The following CIZ1 variants were observed in gnomAD, a reference collection of about 807,000 sequenced individuals.
The protein encoded by CIZ1 is cip1-interacting zinc finger protein.
A neutral mutation model predicts 118.6 loss-of-function variants in CIZ1; 58 were observed. That is an observed-to-expected ratio of 0.49 (90% CI 0.40 to 0.61). The LOEUF (loss-of-function observed/expected upper bound fraction) is 0.61. Ranked by LOEUF, CIZ1 falls within the 20% of genes least tolerant of loss-of-function variation. The probability of loss-of-function intolerance (pLI) is 0.00; values close to 1 mark genes in which losing one functional copy is unlikely to be tolerated. For missense variants in CIZ1, 921 were observed against 1,115.9 expected (o/e 0.83, Z 2.49); for synonymous variants, 448 against 443.4 (o/e 1.01, Z -0.13).
At chr9:128,182,224 C>T (rs1195977097) in intron 5 of CIZ1, among the ~76,000 whole-genome samples, 2 of 152,120 alleles carry the variant, frequency 1.3e-5, no homozygotes, top group Non-Finnish European at 2.9e-5. Context: ...CCAGTCTCTG[C>T]GCATTGGTGG....
chr9:128,177,527 G>C (rs750184026), intron 10 of CIZ1, 39 bp downstream of exon 10: 6 of 1,234,128 alleles, frequency 4.9e-6, no homozygotes, highest in Non-Finnish European at 6.5e-6. Context: ...ATTCCACGCA[G>C]GCCCCACCCC....
chr9:128,177,574 T>C lies in CIZ1; in HGVS notation c.1810A>G (p.Ser604Gly). Reference sequence around the variant, plus strand: ...ATCTCCTGTATCAGTACCTGCTGGCTGGAGCAGCTGGCCTTGCAGATGTAG... The same window carrying C: ...ATCTCCTGTATCAGTACCTGCTGGCCGGAGCAGCTGGCCTTGCAGATGTAG... ...FCYICKASCS[S>G]QQEFQDHMSE... The change falls in exon 10 of 17, where the codon AGC becomes GGC. Residue 604 changes from serine (S) to glycine (G), a missense_variant. By Grantham distance (56) the Ser-to-Gly change is moderately conservative. Coordinates refer to ENST00000372938, the MANE Select transcript of CIZ1 (RefSeq NM_001131016.2). The C allele has an allele frequency of 1.0e-6, 1 of 957,200 alleles. No individual in the cohort carries two copies. Among genetic ancestry groups the C allele is most frequent in the Non-Finnish European group, 1.4e-6 (1 of 689,772 alleles). 59.3% of individuals were successfully genotyped at this position (957,200 alleles called of 1,614,324 possible). A position where few individuals can be genotyped will look rare whatever the true frequency, so the allele number is the denominator to read the frequency against.
intron 11 of CIZ1, 51 bp downstream of exon 11, chr9:128,176,300 C>T (rs1319306553): frequency 6.9e-6 from 11 of 1,598,330 alleles, no homozygotes; most frequent in Middle Eastern, 1.7e-4. Flanking sequence ...AGGCCCTGGC[C>T]GATGAGACTG....
At chr9:128,183,225 C>G (rs1465490162) in intron 5 of CIZ1, among the ~76,000 whole-genome samples, 1 of 152,220 alleles carries the variant, frequency 6.6e-6, no homozygotes, top group African/African-American at 2.4e-5. Context: ...CCTTCAGAAA[C>G]TACCTAGCTG....
intron 1 of CIZ1, chr9:128,202,669 A>G (rs1266632426): frequency 1.3e-5 from 2 of 152,162 alleles, no homozygotes; most frequent in Non-Finnish European, 2.9e-5. Flanking sequence ...TGAACTTTCC[A>G]CACCCACAAA....
At position 128,203,937 on chromosome 9, in the gene CIZ1, C is replaced by G. The variant is rs953178364; in HGVS notation, c.-6+249G>C. ...AAGCCCCGGGCAAAGAGCTGCCCCC[C>G]GCCCCCAACATGGGCATGGAGAGAG... On this transcript the variant is annotated intron_variant, in intron 1 of 17. Coordinates refer to the CIZ1 transcript ENST00000372948. The surrounding 1 kb of genome is among the most constrained non-coding windows in gnomAD (Gnocchi z 5.3). 11 of 191,632 alleles carry G rather than the reference C, an allele frequency of 5.7e-5. No individual in the cohort carries two copies. Among genetic ancestry groups the G allele is most frequent in the Admixed American group, 1.2e-4 (2 of 16,204 alleles). 11.9% of individuals were successfully genotyped at this position (191,632 alleles called of 1,614,324 possible). A position where few individuals can be genotyped will look rare whatever the true frequency, so the allele number is the denominator to read the frequency against.
upstream of CIZ1, chr9:128,191,802 G>A: frequency 7.6e-6 from 11 of 1,449,388 alleles, no homozygotes; most frequent in Non-Finnish European, 1.0e-5. The surrounding 1 kb of genome is among the most constrained non-coding windows in gnomAD (Gnocchi z 5.5). Flanking sequence ...GCCCGGAAGG[G>A]TCAGCCATCC....
At position 128,168,051 on chromosome 9, in the gene CIZ1, A is replaced by T. The variant is rs569762287; in HGVS notation, c.2296-887T>A. 9.9e-5 allele frequency among the ~76,000 whole-genome samples: 15 copies of T among 152,200 alleles called. No individual in the cohort carries two copies. In the East Asian group the frequency reaches 2.5e-3, roughly 25 times the overall value. ...ACAACGCTTCCTCCCCAGCCCCTCA[A>T]TACCCCACTTTGGCTGCCAGAGGCT... On this transcript the variant is annotated intron_variant, in intron 14 of 16. Coordinates refer to ENST00000372938, the MANE Select transcript of CIZ1 (RefSeq NM_001131016.2).
At chr9:128,197,025 A>G (rs1430407513) in intron 1 of CIZ1, 1 of 152,194 alleles carries the variant, frequency 6.6e-6, no homozygotes, top group African/African-American at 2.4e-5. Context: ...CTAACTGGCA[A>G]TTGACTATAG....
In CIZ1 at chr9:128,190,837, C is replaced by A; in HGVS notation, c.21G>T (p.Gln7His). 6.5e-7 allele frequency: 1 copy of A among 1,542,004 alleles called. No homozygotes were observed. Among genetic ancestry groups the A allele is most frequent in the Non-Finnish European group, 8.7e-7 (1 of 1,146,620 alleles). ...GCTGCTGCTGTTGCTGGAGCTGCTG[C>A]TGCTGCTGCTGGCTGAACATGGTGG... MFSQQQ[Q>H]QQLQQQQQQL... is the part of the protein sequence containing the mutation. Residue 7 changes from glutamine to histidine, a missense_variant, in exon 2 of 17, where the codon CAG (glutamine) becomes CAT (histidine). By Grantham distance (24) the Gln-to-His change is conservative. Transcript: ENST00000372938.
intron 11 of CIZ1, among the ~76,000 whole-genome samples, chr9:128,171,216 G>A (rs1291221344): frequency 6.6e-6 from 1 of 152,070 alleles, no homozygotes; most frequent in Non-Finnish European, 1.5e-5. Context: ...AGGATCGCTT[G>A]AGCCTAGAAG....
At chr9:128,204,039 A>C in intron 1 of CIZ1, 2 of 153,972 alleles carry the variant, frequency 1.3e-5, no homozygotes, top group Non-Finnish European at 2.9e-5. Flanking sequence ...CGTCCCCCAC[A>C]CCGGGCTCAA....
intron 12 of CIZ1, 119 bp downstream of exon 12, chr9:128,169,901 G>A (rs1829923429): frequency 1.9e-6 from 2 of 1,041,956 alleles, no homozygotes; most frequent in South Asian, 2.9e-5. Context: ...ACTGCATTGT[G>A]GGTTATGGGT....
Position 128,178,387 on chromosome 9 carries a change from T to C in CIZ1, c.1602A>G (p.Arg534=), listed in dbSNP as rs1831139384. The C allele has an allele frequency of 1.2e-6, 2 of 1,613,696 alleles. No individual in the cohort carries two copies. Among genetic ancestry groups the C allele is most frequent in the Non-Finnish European group, 1.7e-6 (2 of 1,179,914 alleles). The change falls in exon 9 of 17, where the codon AGA becomes AGG. Residue 534 remains arginine (R), a synonymous_variant. Transcript: ENST00000372938. ...TACCCACCCCTGGCATCTCTCTCGC[T>C]CTGTTTTCACATTCTCCCACATCTA... ...CGLDVGECEN[R]AREMPGVWGA...
upstream of CIZ1, among the ~76,000 whole-genome samples, chr9:128,192,998 C>A (rs1319841324): frequency 6.6e-6 from 1 of 152,192 alleles, no homozygotes; most frequent in South Asian, 2.1e-4. Context: ...AGCGCGTTGA[C>A]GGAGGGCGCT....
intron 13 of CIZ1, 26 bp downstream of exon 13, chr9:128,169,380 A>G: frequency 1.9e-6 from 3 of 1,583,158 alleles, no homozygotes; most frequent in Non-Finnish European, 2.6e-6. Flanking sequence ...CTCTGGGCCC[A>G]TGTCCTCTGA....
chr9:128,202,827 T>C (rs1053535608), intron 1 of CIZ1: 3 of 152,246 alleles, frequency 2.0e-5, no homozygotes, highest in African/African-American at 7.2e-5. Flanking sequence ...TTGGCTGTCT[T>C]ATTCGTTGCT....
chr9:128,203,061 C>T lies in CIZ1; in HGVS notation c.-6+1125G>A, dbSNP rs1204315360. 6.6e-6 allele frequency: 1 copy of T among 152,176 alleles called. No homozygotes were observed. The highest frequency in any genetic ancestry group is 1.5e-5 in the Non-Finnish European group (1 of 68,042). The allele number at this position is 152,176 out of a possible 1,614,324, so 9.4% of individuals were successfully genotyped here. ...CTCTGAGGTCAGGAGGCTGTGACCTCAGAGGAAGCCCATCTGCTCTCCAGG... is the reference window on the plus strand; with the variant it reads ...CTCTGAGGTCAGGAGGCTGTGACCTTAGAGGAAGCCCATCTGCTCTCCAGG... On this transcript the variant is annotated intron_variant, in intron 1 of 17. Coordinates refer to the CIZ1 transcript ENST00000372948. The surrounding 1 kb of genome is among the most constrained non-coding windows in gnomAD (Gnocchi z 5.3).
chr9:128,179,535 G>A (rs1316442751), intron 7 of CIZ1, 120 bp from the exon 8 acceptor site: 10 of 822,510 alleles, frequency 1.2e-5, no homozygotes, highest in Non-Finnish European at 3.7e-6. Context: ...CACTTTGGGA[G>A]GCTGAGGCAG....
Sources: gnomAD v4.1 joint callset for allele counts (sites outside exome capture counted in the v4.1 genomes callset) on GRCh38, gnomAD v4.1.1 for gene constraint, Gnocchi (gnomAD v3.1) non-coding constraint, MANE v1.5 for transcripts, NCBI Gene and HGNC (gene_info 2026-07-23, HGNC 2026-07-21) for gene names.